EXOC7: variants seen among roughly 807,000 people sequenced by gnomAD.
The protein encoded by EXOC7 is exocyst complex component 7, also known as exocyst complex component Exo70.
Under a neutral mutation model 87.6 loss-of-function variants are expected in EXOC7, and 51 were observed. The observed-to-expected ratio is 0.58, with a 90% CI of 0.46 to 0.73. The LOEUF (loss-of-function observed/expected upper bound fraction) is 0.73. Ranked by LOEUF, EXOC7 falls within the 30% of genes least tolerant of loss-of-function variation. The pLI is 0.00. For missense variants in EXOC7, 744 were observed against 888.4 expected, an observed-to-expected ratio of 0.84 and a Z score of 2.07; for synonymous variants, 327 against 357.1, an observed-to-expected ratio of 0.92 and a Z score of 0.95.
At position 76,086,720 on chromosome 17, in the gene EXOC7, T is replaced by A. The variant is rs562521109; in HGVS notation, c.1430-575A>T. 8.3e-6 allele frequency: 6 copies of A among 722,844 alleles called. No individual in the cohort carries two copies. The East Asian group carries it at 1.7e-4, about 20-fold the overall frequency. The allele number at this position is 722,844 out of a possible 1,614,324, so 44.8% of individuals were successfully genotyped here. ...GTGGCCTTGAAGGGAGCAGAGAGAG[T>A]TGAGAGCACCCCGAGAAAACTCATG... On this transcript the variant is annotated intron_variant, in intron 12 of 18. Transcript: ENST00000589210.
At chr17:76,097,764 G>A (rs766351016) in intron 5 of EXOC7, 32 bp downstream of exon 5, 2 of 1,273,308 alleles carry the variant, frequency 1.6e-6, no homozygotes, top group South Asian at 1.2e-5. Flanking sequence ...TCTGCCTCTG[G>A]TGTGTCATGT....
Position 76,085,306 on chromosome 17 carries a change from C to T in EXOC7, c.1712+8G>A, listed in dbSNP as rs1409245877. The T allele has an allele frequency of 2.5e-6, 4 of 1,588,884 alleles. No individual in the cohort carries two copies. The highest frequency in any genetic ancestry group is 2.6e-6 in the Non-Finnish European group (3 of 1,168,314). ...CCATGCAGGAGCAGGGCGGGCCCAG[C>T]CTCTCACCTGCGCTGGTAGGTCTGG... On this transcript the variant is annotated splice_region_variant and intron_variant, in intron 15 of 18. Coordinates refer to ENST00000589210, the MANE Select transcript of EXOC7 (RefSeq NM_001013839.4).
chr17:76,101,675 T>G lies in EXOC7; in HGVS notation c.311+4A>C. 1 of 1,610,086 alleles carries G rather than the reference T, an allele frequency of 6.2e-7. No homozygotes were observed. Among genetic ancestry groups the G allele is most frequent in the Middle Eastern group, 1.7e-4 (1 of 6,042 alleles). On this transcript the variant is annotated splice_donor_region_variant and intron_variant, in intron 3 of 18. Coordinates refer to ENST00000589210, the MANE Select transcript of EXOC7 (RefSeq NM_001013839.4). ...AATTGACCCTCTGGGCCTCACTCACTCACCCCTCTCTGATGATCTTCTCAG... is the reference window on the plus strand; with the variant it reads ...AATTGACCCTCTGGGCCTCACTCACGCACCCCTCTCTGATGATCTTCTCAG...
At chr17:76,098,092 G>T in intron 4 of EXOC7, 74 bp from the exon 5 acceptor site, 2 of 1,343,010 alleles carry the variant, frequency 1.5e-6, no homozygotes, top group Non-Finnish European at 2.1e-6. Context: ...CCCTGCCTGT[G>T]CCAGCTCTGT....
chr17:76,094,748 CTTT>C (rs35625794), intron 5 of EXOC7, among the ~76,000 whole-genome samples, 167 bp from the exon 6 acceptor site: 14 of 143,832 alleles, frequency 9.7e-5, no homozygotes, highest in South Asian at 2.2e-4. Flanking sequence ...CTTTCAAAGT[CTTT>C]TTTTTTTTTT....
In EXOC7 at chr17:76,081,481, C is replaced by A; in HGVS notation, c.*2167G>T. Reference sequence around the variant, plus strand: ...GAGGATGCACGGCCAGAGGCCAGGCCCCATGCCCCCGATGCCCACCTCCTT... The same window carrying A: ...GAGGATGCACGGCCAGAGGCCAGGCACCATGCCCCCGATGCCCACCTCCTT... On this transcript the variant is annotated 3_prime_UTR_variant, in exon 19 of 19. Coordinates refer to ENST00000589210, the MANE Select transcript of EXOC7 (RefSeq NM_001013839.4). 1 of 1,610,144 alleles carries A rather than the reference C, an allele frequency of 6.2e-7. No individual in the cohort carries two copies. The highest frequency in any genetic ancestry group is 1.3e-5 in the African/African-American group (1 of 75,026).
intron 10 of EXOC7, 147 bp from the exon 11 acceptor site, chr17:76,088,269 G>A: frequency 1.0e-6 from 1 of 976,926 alleles, no homozygotes; most frequent in Non-Finnish European, 1.6e-6. Context: ...CCAAGGGGGA[G>A]AGGCCCTTCC....
chr17:76,087,303 G>C, intron 12 of EXOC7: 1 of 406,124 alleles, frequency 2.5e-6, no homozygotes, highest in South Asian at 3.0e-5. Context: ...AAGGCCAGCT[G>C]AGCGAGCCTG....
chr17:76,084,506 C>G lies in EXOC7; in HGVS notation c.1776+11G>C, dbSNP rs1429650832. The G allele has an allele frequency of 8.1e-6, 13 of 1,613,782 alleles. No individual in the cohort carries two copies. The highest frequency in any genetic ancestry group is 2.2e-5 in the South Asian group (2 of 91,010). On this transcript the variant is annotated intron_variant, in intron 16 of 18. Transcript: ENST00000589210. ...CCAGACACCCCTTCCCAGCCCAGGTCTTGAGCCCACCTTGACTCCCGGCTG... is the reference window on the plus strand; with the variant it reads ...CCAGACACCCCTTCCCAGCCCAGGTGTTGAGCCCACCTTGACTCCCGGCTG...
rs370944331 is a variant in EXOC7 at position 76,103,324 on chromosome 17, G to A, written c.126+37C>T. On this transcript the variant is annotated intron_variant, in intron 2 of 18. Transcript: ENST00000589210. Reference sequence around the variant, plus strand: ...TCGCAAGGCTCTCCCCCAGGGTCCGGAGGCCTGCCCTCTCCCCCAGCTGCG... The same window carrying A: ...TCGCAAGGCTCTCCCCCAGGGTCCGAAGGCCTGCCCTCTCCCCCAGCTGCG... The A allele has an allele frequency of 3.9e-6, 6 of 1,556,380 alleles. No individual in the cohort carries two copies. In the African/African-American group the frequency reaches 6.8e-5, roughly 18 times the overall value.
chr17:76,085,355 G>A lies in EXOC7; in HGVS notation c.1671C>T (p.Tyr557=). ...GGATCTGCTGCTCAATGTGCTCCCGGTAGGAGCGCTCAGCAGTCTTCTGTG... is the reference window on the plus strand; with the variant it reads ...GGATCTGCTGCTCAATGTGCTCCCGATAGGAGCGCTCAGCAGTCTTCTGTG... ...AVTQKTAERS[Y]REHIEQQIQT... is the part of the protein sequence containing the mutation. Residue 557 remains tyrosine, a synonymous_variant, in exon 15 of 19, where the codon TAC becomes TAT. Coordinates refer to ENST00000589210, the MANE Select transcript of EXOC7 (RefSeq NM_001013839.4). 1 of 1,609,818 alleles carries A rather than the reference G, an allele frequency of 6.2e-7. No homozygotes were observed. The highest frequency in any genetic ancestry group is 8.5e-7 in the Non-Finnish European group (1 of 1,178,748).
At chr17:76,091,902 G>A (rs1349993433) in intron 6 of EXOC7, among the ~76,000 whole-genome samples, 2 of 152,200 alleles carry the variant, frequency 1.3e-5, no homozygotes. Context: ...CAGAGCGCCT[G>A]GAGGGTGTGC....
Position 76,081,990 on chromosome 17 carries a change from G to A in EXOC7, c.*1658C>T, listed in dbSNP as rs1375716175. 10 of 1,611,770 alleles carry A rather than the reference G, an allele frequency of 6.2e-6. No individual in the cohort carries two copies. The highest frequency in any genetic ancestry group is 7.6e-6 in the Non-Finnish European group (9 of 1,179,524). Reference sequence around the variant, plus strand: ...AACCTTGGGGCCAAGAGCGGCCCCAGCCCAGCCCCGAGAGGGGAACAGCGA... The same window carrying A: ...AACCTTGGGGCCAAGAGCGGCCCCAACCCAGCCCCGAGAGGGGAACAGCGA... On this transcript the variant is annotated 3_prime_UTR_variant, in exon 19 of 19. Coordinates refer to ENST00000589210, the MANE Select transcript of EXOC7 (RefSeq NM_001013839.4).
chr17:76,096,854 C>T (rs1306369791), intron 5 of EXOC7, among the ~76,000 whole-genome samples: 1 of 152,110 alleles, frequency 6.6e-6, no homozygotes, highest in Non-Finnish European at 1.5e-5. Context: ...CTGCACCTGG[C>T]CTTCTTTCTT....
In EXOC7 at chr17:76,084,130, C is replaced by A; in HGVS notation, c.1828G>T (p.Asp610Tyr). ...ATTTTGCACAGTTCTTCGAGGCCAT[C>A]ATTGAAGCCCTGGCCACCAAAAAGG... ...IIKERFKGFN[D>Y]GLEELCKIQK... Residue 610 changes from aspartate (D) to tyrosine (Y), a missense_variant, in exon 18 of 19, where the codon GAT becomes TAT. Transcript: ENST00000589210. The A allele has an allele frequency of 6.3e-7, 1 of 1,599,170 alleles. No individual in the cohort carries two copies. The highest frequency in any genetic ancestry group is 1.1e-5 in the South Asian group (1 of 88,844).
chr17:76,082,712 C>G lies in EXOC7; in HGVS notation c.*936G>C, dbSNP rs1018203804. On this transcript the variant is annotated 3_prime_UTR_variant, in exon 19 of 19. Coordinates refer to ENST00000589210, the MANE Select transcript of EXOC7 (RefSeq NM_001013839.4). ...AAGTTTGCTTTCCCATGGCTGGGGG[C>G]GGGCCATGACAGGGCCTCTGGATTA... 6.7e-7 allele frequency: 1 copy of G among 1,502,152 alleles called. No individual in the cohort carries two copies. Among genetic ancestry groups the G allele is most frequent in the South Asian group, 1.3e-5 (1 of 75,352 alleles). 93.1% of individuals were successfully genotyped at this position (1,502,152 alleles called of 1,614,324 possible). A position where few individuals can be genotyped will look rare whatever the true frequency, so the allele number is the denominator to read the frequency against.
chr17:76,084,147 C>T lies in EXOC7; in HGVS notation c.1819-8G>A, dbSNP rs758203502. ...GAGGCCATCATTGAAGCCCTGGCCA[C>T]CAAAAAGGTGAAAAAGGAAGGCACC... is the stretch of plus-strand genomic sequence containing the variant. On this transcript the variant is annotated splice_region_variant and splice_polypyrimidine_tract_variant and intron_variant, in intron 17 of 18. Transcript: ENST00000589210. 6.3e-7 allele frequency: 1 copy of T among 1,593,292 alleles called. No individual in the cohort carries two copies. Among genetic ancestry groups the T allele is most frequent in the South Asian group, 1.1e-5 (1 of 88,160 alleles).
intron 15 of EXOC7, 195 bp downstream of exon 15, chr17:76,085,119 C>A (rs988714164): frequency 2.9e-5 from 17 of 592,880 alleles, no homozygotes; most frequent in Non-Finnish European, 5.1e-5. Context: ...CCATAGTGGG[C>A]CCCTAGGAGC....
chr17:76,089,584 G>A (rs867704060), intron 7 of EXOC7: 13 of 536,712 alleles, frequency 2.4e-5, no homozygotes, highest in Middle Eastern at 1.0e-3. Flanking sequence ...AGGCAGGAGA[G>A]TGACGGATGG....
Sources: gnomAD v4.1 joint callset for allele counts (sites outside exome capture counted in the v4.1 genomes callset) on GRCh38, gnomAD v4.1.1 for gene constraint, MANE v1.5 for transcripts, NCBI Gene and HGNC (gene_info 2026-07-23, HGNC 2026-07-21) for gene names.